Variants in CNTN6 observed in about 807,000 individuals in gnomAD.
CNTN6 encodes contactin 6, also known as contactin-6.
CNTN6 carries 137 observed loss-of-function variants against 122.8 expected under a neutral mutation model. The observed-to-expected ratio is 1.12, with a 90% confidence interval of 0.97 to 1.29. The LOEUF (loss-of-function observed/expected upper bound fraction) is 1.29. Among genes scored for constraint, CNTN6 ranks in the 50% most tolerant of loss-of-function variants. CNTN6 has a pLI of 0.00. For missense variants in CNTN6, 1,634 were observed against 1,223.4 expected, an observed-to-expected ratio of 1.34 and a Z score of -5.01; for synonymous variants, 570 against 426.0, an observed-to-expected ratio of 1.34 and a Z score of -4.16.
intron 7 of CNTN6, among the ~76,000 whole-genome samples, chr3:1,320,110 A>G (rs1700645053): frequency 6.6e-6 from 1 of 151,682 alleles, no homozygotes; most frequent in Non-Finnish European, 1.5e-5. Context: ...ATACCAATTT[A>G]CTGAAATGTC....
intron 1 of CNTN6, among the ~76,000 whole-genome samples, chr3:1,122,307 A>C (rs2091978451): frequency 6.9e-6 from 1 of 144,916 alleles, no homozygotes; most frequent in Admixed American, 6.9e-5. Context: ...GAAATAAATA[A>C]AGGAAAAAAA....
At chr3:1,378,537 C>T (rs1710207853) in intron 17 of CNTN6, among the ~76,000 whole-genome samples, 1 of 152,094 alleles carries the variant, frequency 6.6e-6, no homozygotes, top group South Asian at 2.1e-4. Context: ...AGTGGTCCAC[C>T]CTCCATGAAC....
At chr3:1,401,322 C>A in intron 20 of CNTN6, 111 bp from the exon 21 acceptor site, 1 of 788,086 alleles carries the variant, frequency 1.3e-6, no homozygotes, top group African/African-American at 1.8e-5. Context: ...GACATTTTAG[C>A]TCCTTCTATG....
chr3:1,185,844 C>G (rs540949699), intron 2 of CNTN6, among the ~76,000 whole-genome samples: 1 of 152,182 alleles, frequency 6.6e-6, no homozygotes, highest in Admixed American at 6.5e-5. Flanking sequence ...ATGAAAAACA[C>G]AGTGCGTTGA....
intron 7 of CNTN6, among the ~76,000 whole-genome samples, chr3:1,304,258 G>A (rs1697946734): frequency 6.7e-6 from 1 of 150,186 alleles, no homozygotes; most frequent in African/African-American, 2.4e-5. Context: ...CTTTTGTGTT[G>A]CCAATTGTTC....
chr3:1,210,959 C>A (rs932178728), intron 2 of CNTN6, among the ~76,000 whole-genome samples: 2 of 152,212 alleles, frequency 1.3e-5, no homozygotes, highest in African/African-American at 4.8e-5. Context: ...GACCTGGGGG[C>A]CTTGCCCCAC....
intron 5 of CNTN6, among the ~76,000 whole-genome samples, chr3:1,289,423 C>T (rs1694903698): frequency 6.6e-6 from 1 of 152,158 alleles, no homozygotes; most frequent in Admixed American, 6.5e-5. Flanking sequence ...AGAGCTGCTG[C>T]TAGCTCTATT....
intron 4 of CNTN6, among the ~76,000 whole-genome samples, chr3:1,273,597 A>T (rs996161927): frequency 6.6e-6 from 1 of 152,198 alleles, no homozygotes; most frequent in African/African-American, 2.4e-5. Flanking sequence ...TACATAGTTT[A>T]AATAAGGCAG....
At chr3:1,111,283 C>G (rs891245568) in intron 1 of CNTN6, among the ~76,000 whole-genome samples, 1 of 152,110 alleles carries the variant, frequency 6.6e-6, no homozygotes, top group African/African-American at 2.4e-5. Flanking sequence ...ATATACAGTT[C>G]AAATTAGTAA....
intron 4 of CNTN6, among the ~76,000 whole-genome samples, chr3:1,231,220 T>G (rs1455912589): frequency 6.6e-6 from 1 of 152,196 alleles, no homozygotes; most frequent in Admixed American, 6.5e-5. Flanking sequence ...AATATGAGAT[T>G]GCCGATCTAC....
intron 20 of CNTN6, among the ~76,000 whole-genome samples, chr3:1,387,552 T>C (rs985221330): frequency 6.6e-6 from 1 of 152,156 alleles, no homozygotes; most frequent in African/African-American, 2.4e-5. Context: ...ACAGAAACTC[T>C]TGTGTGTAGG....
In CNTN6 at chr3:1,285,687, C is replaced by G. The variant is rs140586627; in HGVS notation, c.454+7179C>G. 1.1e-3 allele frequency among the ~76,000 whole-genome samples: 174 copies of G among 152,280 alleles called. 1 individual carries two copies. The highest frequency in any genetic ancestry group is 4.1e-3 in the African/African-American group (169 of 41,570). On this transcript the variant is annotated intron_variant, in intron 5 of 22. Transcript: ENST00000446702. ...AACAACTATAGTTAACTAAACTCAA[C>G]TAACTATAACATAGCTTGGCCAAGA...
intron 2 of CNTN6, among the ~76,000 whole-genome samples, chr3:1,162,288 G>A (rs58494964): frequency 0.2 from 25,844 of 127,476 alleles, 2,623 homozygotes; most frequent in African/African-American, 0.35. Context: ...AAAGAACCTT[G>A]TTTGTATTGT....
At chr3:1,277,632 A>C (rs1692652165) in intron 4 of CNTN6, among the ~76,000 whole-genome samples, 1 of 152,142 alleles carries the variant, frequency 6.6e-6, no homozygotes, top group Non-Finnish European at 1.5e-5. Flanking sequence ...AAGTGCTGGG[A>C]TTACAGGAGT....
rs766502955 is a variant in CNTN6, at chr3:1,402,413, A to C, written c.2913A>C (p.Leu971Phe). Residue 971 changes from leucine (L) to phenylalanine (F), a missense_variant, in exon 22 of 23, where the codon TTA becomes TTC. Leu to Phe is a conservative substitution (Grantham distance 22). Transcript: ENST00000446702. Reference protein sequence around the residue: ...ELLVPFEEDYLIEIRTVSDGG... With the variant: ...ELLVPFEEDYFIEIRTVSDGG... Reference sequence around the variant, plus strand: ...TGGTTCCATTTGAAGAAGACTACTTAATTGAAATAAGAACAGTCAGTGATG... The same window carrying C: ...TGGTTCCATTTGAAGAAGACTACTTCATTGAAATAAGAACAGTCAGTGATG... 5 of 1,612,570 alleles carry C rather than the reference A, an allele frequency of 3.1e-6. No homozygotes were observed. The East Asian group carries it at 1.1e-4, about 36-fold the overall frequency.
chr3:1,157,100 T>C (rs961185780), intron 2 of CNTN6, among the ~76,000 whole-genome samples: 1 of 151,876 alleles, frequency 6.6e-6, no homozygotes, highest in Non-Finnish European at 1.5e-5. Context: ...TATTTTGATA[T>C]AGGCATGCAA....
chr3:1,254,542 T>C (rs12490675), intron 4 of CNTN6, among the ~76,000 whole-genome samples: 43,476 of 151,824 alleles, frequency 0.29, 6,556 homozygotes, highest in South Asian at 0.43. Context: ...TGAGCTATTA[T>C]CATGTGTCAG....
chr3:1,272,982 G>T (rs371608022), intron 4 of CNTN6, among the ~76,000 whole-genome samples: 5 of 152,300 alleles, frequency 3.3e-5, no homozygotes, highest in African/African-American at 1.2e-4. Context: ...ATATGGCCCA[G>T]TAATTCTTTA....
chr3:1,260,969 C>A (rs1486416759), intron 4 of CNTN6, among the ~76,000 whole-genome samples: 1 of 152,058 alleles, frequency 6.6e-6, no homozygotes, highest in Admixed American at 6.6e-5. Flanking sequence ...TATATTCTCT[C>A]CTTTTTGAAG....
Sources: gnomAD v4.1 joint callset for allele counts (sites outside exome capture counted in the v4.1 genomes callset) on GRCh38, gnomAD v4.1.1 for gene constraint, MANE v1.5 for transcripts, NCBI Gene and HGNC (gene_info 2026-07-23, HGNC 2026-07-21) for gene names.